Variants in PLSCR2 observed in about 807,000 individuals in gnomAD.
PLSCR2 encodes the protein PL scramblase 2.
A neutral mutation model predicts 25.3 loss-of-function variants in PLSCR2; 18 were observed. The observed-to-expected ratio is 0.71, with a 90% CI of 0.49 to 1.06. The LOEUF (loss-of-function observed/expected upper bound fraction) is 1.06, where lower values mean the gene tolerates loss of function less well. Among genes scored for constraint, PLSCR2 ranks in the 50% least tolerant of loss-of-function variants. The probability of loss-of-function intolerance (pLI) is 0.00; values close to 1 mark genes in which losing one functional copy is unlikely to be tolerated. For synonymous variants in PLSCR2, 88 were observed against 87.3 expected, an observed-to-expected ratio of 1.01 and a Z score of -0.04; for missense variants, 243 against 269.5, an observed-to-expected ratio of 0.90 and a Z score of 0.69.
At chr3:146,439,071 A>G (rs947516646), downstream of PLSCR2, among the ~76,000 whole-genome samples, 7 of 152,194 alleles carry the variant, frequency 4.6e-5, no homozygotes, top group African/African-American at 1.7e-4. Context: ...TGGGTTGAAA[A>G]TTCTTTTCTT....
chr3:146,444,932 G>A (rs1026621816), intron 6 of PLSCR2, among the ~76,000 whole-genome samples: 3 of 151,580 alleles, frequency 2.0e-5, no homozygotes, highest in East Asian at 1.9e-4. Flanking sequence ...TCTTTTCTAC[G>A]TTTTTGATTT....
At chr3:146,478,819 A>G (rs1463270187) in intron 1 of PLSCR2, among the ~76,000 whole-genome samples, 1 of 152,214 alleles carries the variant, frequency 6.6e-6, no homozygotes, top group Non-Finnish European at 1.5e-5. Flanking sequence ...GAAATGAAGG[A>G]AAAAATGTTA....
At chr3:146,424,311 C>A (rs1034461979) in intron 2 of PLSCR2, among the ~76,000 whole-genome samples, 1 of 151,978 alleles carries the variant, frequency 6.6e-6, no homozygotes, top group Non-Finnish European at 1.5e-5. Flanking sequence ...CCTTTGGGAT[C>A]AGGGCCCCAT....
intron 1 of PLSCR2, among the ~76,000 whole-genome samples, chr3:146,485,571 T>C (rs759987069): frequency 6.6e-5 from 10 of 152,066 alleles, no homozygotes; most frequent in Non-Finnish European, 1.2e-4. Context: ...GCTCAGCAAA[T>C]GCAAAAGAAC....
chr3:146,475,954 C>T (rs2042269576), intron 1 of PLSCR2, among the ~76,000 whole-genome samples: 1 of 152,134 alleles, frequency 6.6e-6, no homozygotes, highest in Non-Finnish European at 1.5e-5. Context: ...ATTAATATCT[C>T]ATTCCCCAGA....
chr3:146,480,098 G>A (rs2043076444), intron 1 of PLSCR2, among the ~76,000 whole-genome samples: 1 of 152,148 alleles, frequency 6.6e-6, no homozygotes, highest in Non-Finnish European at 1.5e-5. Flanking sequence ...TATGTAGAGG[G>A]AAATTTATAG....
At chr3:146,428,142 G>A (rs1167628465) in intron 2 of PLSCR2, among the ~76,000 whole-genome samples, 2 of 152,162 alleles carry the variant, frequency 1.3e-5, no homozygotes, top group Admixed American at 6.5e-5. Context: ...TAGCTTGTAC[G>A]TGGTAGATCC....
intron 2 of PLSCR2, among the ~76,000 whole-genome samples, chr3:146,403,016 G>A (rs1411041164): frequency 2.0e-5 from 3 of 152,026 alleles, no homozygotes; most frequent in Middle Eastern, 3.4e-3. Context: ...TTTTTAAAAA[G>A]CAAATGGGAG....
At chr3:146,408,642 G>T (rs535638437) in intron 2 of PLSCR2, among the ~76,000 whole-genome samples, 71 of 152,142 alleles carry the variant, frequency 4.7e-4, no homozygotes, top group Non-Finnish European at 7.8e-4. Context: ...GGCTTCCTGA[G>T]CCACAAATGC....
chr3:146,423,246 T>TCC (rs2039214930), intron 2 of PLSCR2, among the ~76,000 whole-genome samples: 1 of 115,372 alleles, frequency 8.7e-6, no homozygotes, highest in Non-Finnish European at 1.8e-5. Context: ...TCTCTCTCTC[T>TCC]CTCTCTCTCT....
intron 2 of PLSCR2, among the ~76,000 whole-genome samples, chr3:146,420,530 A>C (rs888937309): frequency 6.6e-6 from 1 of 152,046 alleles, no homozygotes; most frequent in African/African-American, 2.4e-5. Flanking sequence ...AAGCAAAAAG[A>C]TATAAAGCAA....
chr3:146,458,651 G>A (rs902910408), intron 2 of PLSCR2, among the ~76,000 whole-genome samples, 198 bp from the exon 3 acceptor site: 1 of 151,908 alleles, frequency 6.6e-6, no homozygotes, highest in African/African-American at 2.4e-5. Context: ...TTTATTGAAA[G>A]CATTCACTAT....
At chr3:146,420,787 G>A (rs2039122509) in intron 2 of PLSCR2, among the ~76,000 whole-genome samples, 1 of 151,968 alleles carries the variant, frequency 6.6e-6, no homozygotes, top group Non-Finnish European at 1.5e-5. Flanking sequence ...AGAGAAAATA[G>A]GCGTATTGTA....
chr3:146,417,372 C>T (rs2039030209), intron 2 of PLSCR2, among the ~76,000 whole-genome samples: 1 of 151,704 alleles, frequency 6.6e-6, no homozygotes, highest in African/African-American at 2.4e-5. Context: ...AACATGTAGA[C>T]AAGAGACAAA....
chr3:146,395,032 A>G (rs148121644), intron 3 of PLSCR2, among the ~76,000 whole-genome samples: 3 of 152,298 alleles, frequency 2.0e-5, no homozygotes, highest in African/African-American at 7.2e-5. Context: ...GCTATGTGTA[A>G]CTGTGAGTCA....
At chr3:146,429,916 A>C (rs148906026), downstream of PLSCR2, among the ~76,000 whole-genome samples, 288 of 152,176 alleles carry the variant, frequency 1.9e-3, 6 homozygotes, top group East Asian at 0.046. Flanking sequence ...AGGATGTTTG[A>C]CTTCCAGGGA....
intron 1 of PLSCR2, among the ~76,000 whole-genome samples, chr3:146,479,122 C>A (rs2043037397): frequency 6.6e-6 from 1 of 152,150 alleles, no homozygotes; most frequent in South Asian, 2.1e-4. Flanking sequence ...AAAACCGGTA[C>A]CAGCCACTGC....
Position 146,423,271 on chromosome 3 carries a change from CT to C in PLSCR2, c.101-27351del, listed in dbSNP as rs1559981771. Among the ~76,000 whole-genome samples the C allele has an allele frequency of 4.3e-4, 63 of 145,366 alleles. 1 individual carries two copies. The highest frequency in any genetic ancestry group is 1.1e-3 in the African/African-American group (42 of 37,922). ...TCTCTCTCTCTCTCTCTCTCTCTCT[CT>C]CTCTCTCTCTCCCTGGCTAGATTCT... On this transcript the variant is annotated intron_variant and NMD_transcript_variant, in intron 2 of 3. Coordinates refer to the PLSCR2 transcript ENST00000463633.
At chr3:146,441,944 A>G (rs1407524452) in intron 6 of PLSCR2, 123 bp from the exon 7 acceptor site, 1 of 594,988 alleles carries the variant, frequency 1.7e-6, no homozygotes, top group East Asian at 3.1e-5. Context: ...ATTAACTATA[A>G]TAAGTAATGT....
Sources: gnomAD v4.1 joint callset for allele counts (sites outside exome capture counted in the v4.1 genomes callset) on GRCh38, gnomAD v4.1.1 for gene constraint, MANE v1.5 for transcripts, NCBI Gene and HGNC (gene_info 2026-07-23, HGNC 2026-07-21) for gene names.